Variants in SLIT1 observed in about 807,000 individuals in gnomAD.
The protein encoded by SLIT1 is slit guidance ligand 1.
SLIT1 carries 66 observed loss-of-function variants against 186.1 expected under a neutral mutation model. That is an observed-to-expected ratio of 0.35 (90% CI 0.29 to 0.44). The LOEUF (loss-of-function observed/expected upper bound fraction) is 0.44, where lower values mean the gene tolerates loss of function less well. SLIT1 is among the 20% of genes least tolerant of loss of function. The pLI, the probability that SLIT1 is intolerant of heterozygous loss-of-function variation, is 1.00. For synonymous variants in SLIT1, 761 were observed against 833.8 expected (o/e 0.91, Z 1.50); for missense variants, 1,638 against 2,037.4 (o/e 0.80, Z 3.77).
rs1848340288 is a variant in SLIT1, at chr10:97,004,362, G to A, written c.3711-140C>T. On this transcript the variant is annotated intron_variant, in intron 33 of 36. Transcript: ENST00000266058. The surrounding 1 kb of genome is among the most constrained non-coding windows in gnomAD (Gnocchi z 5.1). ...GGAAAAGGACTGTGGGGGCTCAAGG[G>A]TCTATCGCATGATCCCTTTCACTCC... is the stretch of plus-strand genomic sequence containing the variant. The A allele has an allele frequency of 1.2e-6, 1 of 851,194 alleles. No individual in the cohort carries two copies. The highest frequency in any genetic ancestry group is 1.8e-6 in the Non-Finnish European group (1 of 544,932). The allele number at this position is 851,194 out of a possible 1,614,324, so 52.7% of individuals were successfully genotyped here. A position where few individuals can be genotyped will look rare whatever the true frequency, so the allele number is the denominator to read the frequency against.
chr10:97,177,703 C>T lies in SLIT1; in HGVS notation c.197+7775G>A, dbSNP rs565699909. On this transcript the variant is annotated intron_variant, in intron 1 of 36. Transcript: ENST00000266058. ...AAAAAGAAGGAAATCAGGCCGGGCGCGGTGGCTCACGCCTGTAATCCCAGA... is the reference window on the plus strand; with the variant it reads ...AAAAAGAAGGAAATCAGGCCGGGCGTGGTGGCTCACGCCTGTAATCCCAGA... 6.7e-4 allele frequency among the ~76,000 whole-genome samples: 102 copies of T among 152,246 alleles called. 1 individual carries two copies. Among genetic ancestry groups the T allele is most frequent in the East Asian group, 3.9e-4 (2 of 5,186 alleles).
intron 4 of SLIT1, among the ~76,000 whole-genome samples, chr10:97,090,764 C>T (rs1232937396): frequency 1.3e-5 from 2 of 152,204 alleles, no homozygotes; most frequent in South Asian, 2.1e-4. Flanking sequence ...TGCACCTTGG[C>T]GCTTTCACAG....
chr10:97,034,581 A>T (rs1192021433), intron 22 of SLIT1, 39 bp from the exon 23 acceptor site: 1 of 1,556,384 alleles, frequency 6.4e-7, no homozygotes. Context: ...GAAAGAACTC[A>T]CTCAGCCCTG....
chr10:97,166,624 AG>A (rs761752673), intron 1 of SLIT1, among the ~76,000 whole-genome samples: 18 of 5,318 alleles, frequency 3.4e-3, no homozygotes, highest in East Asian at 0.016. Context: ...AGAAAGAAAG[AG>A]AAAAGAAAAG....
At chr10:97,141,466 T>C (rs1388363477) in intron 4 of SLIT1, among the ~76,000 whole-genome samples, 3 of 152,114 alleles carry the variant, frequency 2.0e-5, no homozygotes, top group Admixed American at 1.3e-4. Flanking sequence ...CCTCCAAGCA[T>C]GTTCAGAGAC....
At chr10:97,155,195 T>C (rs1285335008) in intron 4 of SLIT1, 2 of 152,154 alleles carry the variant, frequency 1.3e-5, no homozygotes, top group Non-Finnish European at 1.5e-5. Flanking sequence ...CATGTATGGG[T>C]AAGAGAAATG....
intron 18 of SLIT1, among the ~76,000 whole-genome samples, chr10:97,044,314 T>C (rs188525053): frequency 1.3e-5 from 2 of 152,314 alleles, no homozygotes; most frequent in Admixed American, 1.3e-4. Flanking sequence ...GAGGATCTCT[T>C]GAGCCCAGGA....
chr10:97,000,892 G>A lies in SLIT1; in HGVS notation c.*220C>T, dbSNP rs1198843417. Reference sequence around the variant, plus strand: ...ATTTGTGCAAGGCACTTCCGGAGAGGGCAGCCCGCAGCTCAGGCCTCGCCC... The same window carrying A: ...ATTTGTGCAAGGCACTTCCGGAGAGAGCAGCCCGCAGCTCAGGCCTCGCCC... On this transcript the variant is annotated 3_prime_UTR_variant, in exon 37 of 37. Transcript: ENST00000266058. The A allele has an allele frequency of 5.1e-6, 3 of 583,810 alleles. No individual in the cohort carries two copies. Among genetic ancestry groups the A allele is most frequent in the South Asian group, 4.3e-5 (2 of 46,376 alleles). 36.2% of individuals were successfully genotyped at this position (583,810 alleles called of 1,614,324 possible).
rs1436958392 is a variant in SLIT1, at chr10:97,002,830, C to T, written c.4028G>A (p.Arg1343His). 3.1e-6 allele frequency: 5 copies of T among 1,614,002 alleles called. No individual in the cohort carries two copies. The highest frequency in any genetic ancestry group is 2.2e-5 in the East Asian group (1 of 44,894). The change falls in exon 35 of 37, where the codon CGC becomes CAC. Residue 1343 changes from arginine (R) to histidine (H), a missense_variant. Physicochemically the swap from Arg to His is conservative, Grantham distance 29. Coordinates refer to ENST00000266058, the MANE Select transcript of SLIT1 (RefSeq NM_003061.3). ...PGVVPGCEPC[R>H]KLYCLHGICQ... ...GATGCCATGCAGGCAGTAGAGCTTG[C>T]GGCAGGGTTCGCAGCCTGGCACCAC...
chr10:97,023,446 T>C (rs1327622522), intron 25 of SLIT1, among the ~76,000 whole-genome samples: 1 of 152,052 alleles, frequency 6.6e-6, no homozygotes, highest in Admixed American at 6.6e-5. Context: ...ACGTGTAATA[T>C]GCTAATAGCC....
chr10:97,067,309 C>T (rs1224544654), intron 4 of SLIT1, among the ~76,000 whole-genome samples: 2 of 152,170 alleles, frequency 1.3e-5, no homozygotes, highest in Admixed American at 6.5e-5. Flanking sequence ...CTGTCAGGGC[C>T]GGGCCTCTGA....
chr10:97,004,169 T>C lies in SLIT1; in HGVS notation c.3764A>G (p.Asp1255Gly). The C allele has an allele frequency of 6.2e-7, 1 of 1,613,796 alleles. No homozygotes were observed. ...ATCAATGGAGAGATTCACCATCTGGTCAAAGGCAACCAGCTCAACGGTGTG... is the reference window on the plus strand; with the variant it reads ...ATCAATGGAGAGATTCACCATCTGGCCAAAGGCAACCAGCTCAACGGTGTG... ...QFHTVELVAF[D>G]QMVNLSIDGG... is the part of the protein sequence containing the mutation. The change falls in exon 34 of 37, where the codon GAC becomes GGC. Residue 1255 changes from aspartate (D) to glycine (G), a missense_variant. This residue lies in a region of SLIT1 where 173 missense variants were observed against 290.9 expected (regional missense o/e 0.59). Transcript: ENST00000266058. The surrounding 1 kb of genome is among the most constrained non-coding windows in gnomAD (Gnocchi z 5.1).
intron 4 of SLIT1, among the ~76,000 whole-genome samples, chr10:97,123,994 T>C (rs2134689555): frequency 6.6e-6 from 1 of 152,154 alleles, no homozygotes; most frequent in African/African-American, 2.4e-5. Flanking sequence ...CAGTGTTGCC[T>C]GAATAAACAG....
At chr10:97,158,746 G>A (rs1456638059) in intron 3 of SLIT1, among the ~76,000 whole-genome samples, 2 of 151,852 alleles carry the variant, frequency 1.3e-5, no homozygotes, top group African/African-American at 2.4e-5. Context: ...CAGGCATGAT[G>A]GCATGCACCT....
At chr10:97,106,607 T>A (rs1849417686) in intron 4 of SLIT1, among the ~76,000 whole-genome samples, 1 of 152,054 alleles carries the variant, frequency 6.6e-6, no homozygotes, top group African/African-American at 2.4e-5. Context: ...TTGGGGGAAA[T>A]CTTTATTTGT....
Position 97,184,968 on chromosome 10 carries a change from GAGA to G in SLIT1, c.197+507_197+509del, listed in dbSNP as rs998794634. On this transcript the variant is annotated intron_variant, in intron 1 of 36. Coordinates refer to ENST00000266058, the MANE Select transcript of SLIT1 (RefSeq NM_003061.3). This position sits in a 1 kb window ranked among gnomAD's most constrained non-coding sequence, Gnocchi z 4.4. The stretch of plus-strand genomic sequence containing the variant: ...TCTCAAGGCTCTGGGGCAAACAATG[GAGA>G]AGAAGGGGCAGACCAGAAACTTCGC... 3.3e-5 allele frequency among the ~76,000 whole-genome samples: 5 copies of G among 152,226 alleles called. No homozygotes were observed. Among genetic ancestry groups the G allele is most frequent in the Non-Finnish European group, 1.5e-5 (1 of 68,036 alleles).
chr10:97,183,183 G>A (rs562248630), intron 1 of SLIT1, among the ~76,000 whole-genome samples: 13 of 152,182 alleles, frequency 8.5e-5, no homozygotes, highest in South Asian at 6.2e-4. Context: ...CCCACAGTCC[G>A]TTCCCTGAGG....
Position 97,006,448 on chromosome 10 carries a change from G to T in SLIT1, c.3579+35C>A. 6.6e-7 allele frequency: 1 copy of T among 1,508,536 alleles called. No individual in the cohort carries two copies. Among genetic ancestry groups the T allele is most frequent in the Non-Finnish European group, 9.2e-7 (1 of 1,085,370 alleles). The allele number at this position is 1,508,536 out of a possible 1,614,324, so 93.4% of individuals were successfully genotyped here. On this transcript the variant is annotated intron_variant, in intron 32 of 36. Transcript: ENST00000266058. This position sits in a 1 kb window ranked among gnomAD's most constrained non-coding sequence, Gnocchi z 4.0. ...CCTAAGCCAGGGTCGCCTGCTCCCTGACTCCCCTCTGTGACCAAGCCCCCT... is the reference window on the plus strand; with the variant it reads ...CCTAAGCCAGGGTCGCCTGCTCCCTTACTCCCCTCTGTGACCAAGCCCCCT...
chr10:97,176,059 AG>A (rs773725124), intron 1 of SLIT1, among the ~76,000 whole-genome samples: 89 of 152,326 alleles, frequency 5.8e-4, no homozygotes, highest in Non-Finnish European at 1.1e-3. Context: ...GGCCTCATTA[AG>A]ACTATAGAGC....
Sources: allele counts gnomAD v4.1 joint callset (sites outside exome capture counted in the v4.1 genomes callset), GRCh38; gene constraint gnomAD v4.1.1; regional missense constraint gnomAD v4.1.1; non-coding constraint Gnocchi (gnomAD v3.1); transcripts MANE v1.5; gene names NCBI Gene and HGNC (gene_info 2026-07-23, HGNC 2026-07-21).